The following PRDM5 variants were observed in gnomAD, a reference collection of about 807,000 sequenced individuals.
The protein encoded by PRDM5 is PR/SET domain 5.
PRDM5 carries 56 observed loss-of-function variants against 81.2 expected under a neutral mutation model. That is an observed-to-expected ratio of 0.69 (90% CI 0.56 to 0.86). The LOEUF is 0.86. Among genes scored for constraint, PRDM5 ranks in the 40% least tolerant of loss-of-function variants. The pLI is 0.00. For missense variants in PRDM5, 697 were observed against 770.1 expected, an observed-to-expected ratio of 0.91 and a Z score of 1.12; for synonymous variants, 267 against 256.4, an observed-to-expected ratio of 1.04 and a Z score of -0.39.
chr4:120,805,396 A>T (rs1484393756), intron 8 of PRDM5, among the ~76,000 whole-genome samples: 1 of 152,126 alleles, frequency 6.6e-6, no homozygotes, highest in African/African-American at 2.4e-5. Context: ...GAGACAGAAT[A>T]AAAAAAGAGA....
intron 13 of PRDM5, among the ~76,000 whole-genome samples, chr4:120,771,896 T>G (rs1248990019): frequency 6.6e-6 from 1 of 152,234 alleles, no homozygotes; most frequent in Non-Finnish European, 1.5e-5. Flanking sequence ...AAATTATACT[T>G]ATGACAATGA....
intron 15 of PRDM5, among the ~76,000 whole-genome samples, chr4:120,701,223 T>C (rs921298361): frequency 4.7e-5 from 7 of 148,842 alleles, no homozygotes; most frequent in Non-Finnish European, 9.1e-5. Flanking sequence ...TATACACTGT[T>C]GGAGGGAATG....
chr4:120,731,127 C>A (rs987620016), intron 14 of PRDM5, among the ~76,000 whole-genome samples: 1 of 152,190 alleles, frequency 6.6e-6, no homozygotes, highest in African/African-American at 2.4e-5. Context: ...GTCAGTTCAG[C>A]AAACAACCTA....
chr4:120,741,488 G>T (rs1003743239), intron 14 of PRDM5, among the ~76,000 whole-genome samples: 2 of 151,604 alleles, frequency 1.3e-5, no homozygotes, highest in African/African-American at 4.8e-5. Flanking sequence ...CAGAAGACGG[G>T]TGATTACTGC....
At chr4:120,757,037 A>C (rs1744847340) in intron 13 of PRDM5, among the ~76,000 whole-genome samples, 1 of 152,228 alleles carries the variant, frequency 6.6e-6, no homozygotes, top group Non-Finnish European at 1.5e-5. Context: ...GTTATCAGGT[A>C]AATAATTATA....
chr4:120,859,820 C>T (rs1760359666), intron 2 of PRDM5, among the ~76,000 whole-genome samples: 1 of 152,178 alleles, frequency 6.6e-6, no homozygotes, highest in Non-Finnish European at 1.5e-5. Context: ...GAATCCCTCC[C>T]TCTCTACGTT....
At chr4:120,685,453 T>C (rs1317661072) in intron 1 of PRDM5, among the ~76,000 whole-genome samples, 1 of 152,136 alleles carries the variant, frequency 6.6e-6, no homozygotes, top group Non-Finnish European at 1.5e-5. Context: ...TTCAAAAATA[T>C]TCCCAAATGA....
chr4:120,705,405 G>A (rs1735965462), intron 15 of PRDM5, among the ~76,000 whole-genome samples: 1 of 152,192 alleles, frequency 6.6e-6, no homozygotes, highest in African/African-American at 2.4e-5. Flanking sequence ...AGATAAGAGA[G>A]AAAGTAATTT....
At position 120,692,508 on chromosome 4, in the gene PRDM5, C is replaced by T. The variant is rs1734125503; in HGVS notation, c.*2603G>A. On this transcript the variant is annotated 3_prime_UTR_variant, in exon 16 of 16. Coordinates refer to ENST00000264808, the MANE Select transcript of PRDM5 (RefSeq NM_018699.4). ...ATGCCTCTATATAGCCAACAACACA[C>T]CATGAAAAGGAAAACAAAAGCCAGT... The T allele has an allele frequency of 6.6e-6, 1 of 151,970 alleles. No homozygotes were observed. The highest frequency in any genetic ancestry group is 2.4e-5 in the African/African-American group (1 of 41,402). The allele number at this position is 151,970 out of a possible 1,614,324, so 9.4% of individuals were successfully genotyped here. A position where few individuals can be genotyped will look rare whatever the true frequency, so the allele number is the denominator to read the frequency against.
At chr4:120,863,573 G>A (rs1280593154) in intron 2 of PRDM5, among the ~76,000 whole-genome samples, 1 of 151,858 alleles carries the variant, frequency 6.6e-6, no homozygotes, top group Non-Finnish European at 1.5e-5. Context: ...TTAACTTACA[G>A]AAATTAAACC....
intron 15 of PRDM5, among the ~76,000 whole-genome samples, chr4:120,707,653 T>C (rs932751116): frequency 1.1e-4 from 17 of 151,092 alleles, no homozygotes; most frequent in Admixed American, 9.2e-4. Flanking sequence ...ACCAAAAACA[T>C]GATCAAATAG....
chr4:120,845,228 C>T (rs933518309), intron 3 of PRDM5, among the ~76,000 whole-genome samples: 2 of 152,242 alleles, frequency 1.3e-5, no homozygotes, highest in Non-Finnish European at 2.9e-5. Context: ...AAACTGGCTA[C>T]ACTAAACAAC....
Position 120,853,415 on chromosome 4 carries a change from C to T in PRDM5, c.300+3G>A. On this transcript the variant is annotated splice_donor_region_variant and intron_variant, in intron 3 of 15. Transcript: ENST00000264808. ...AGTACAAATGAGAAGCAAATAAGCTCACTTGAATGGCAGCCAAGTTCTTCT... is the reference window on the plus strand; with the variant it reads ...AGTACAAATGAGAAGCAAATAAGCTTACTTGAATGGCAGCCAAGTTCTTCT... The T allele has an allele frequency of 6.2e-7, 1 of 1,613,696 alleles. No individual in the cohort carries two copies. Among genetic ancestry groups the T allele is most frequent in the South Asian group, 1.1e-5 (1 of 91,084 alleles).
At chr4:120,894,932 C>T (rs343169) in intron 2 of PRDM5, among the ~76,000 whole-genome samples, 16,031 of 152,196 alleles carry the variant, frequency 0.11, 1,638 homozygotes, top group African/African-American at 0.26. Flanking sequence ...TTTCTGCTTC[C>T]GCTCCATTCT....
At chr4:120,769,043 G>T (rs901761265) in intron 13 of PRDM5, among the ~76,000 whole-genome samples, 1 of 152,082 alleles carries the variant, frequency 6.6e-6, no homozygotes, top group Admixed American at 6.5e-5. Context: ...TGAATGTTAC[G>T]GATTTTTGTA....
chr4:120,920,395 G>A (rs1010001165), intron 1 of PRDM5, among the ~76,000 whole-genome samples: 1 of 152,208 alleles, frequency 6.6e-6, no homozygotes, highest in Non-Finnish European at 1.5e-5. Flanking sequence ...GGTTCTTAAT[G>A]TAGCTGCTGA....
intron 14 of PRDM5, among the ~76,000 whole-genome samples, chr4:120,740,325 A>T (rs1163042419): frequency 1.3e-5 from 2 of 152,190 alleles, no homozygotes; most frequent in African/African-American, 4.8e-5. Flanking sequence ...TTCATAATAA[A>T]CTATTCTTAA....
intron 2 of PRDM5, among the ~76,000 whole-genome samples, chr4:120,883,793 G>T (rs1015330074): frequency 1.2e-4 from 18 of 152,122 alleles, no homozygotes; most frequent in African/African-American, 4.3e-4. Flanking sequence ...AGATTACTTA[G>T]AGAATCATAG....
intron 3 of PRDM5, among the ~76,000 whole-genome samples, chr4:120,839,559 G>C (rs765468548): frequency 6.6e-6 from 1 of 152,132 alleles, no homozygotes; most frequent in Non-Finnish European, 1.5e-5. Context: ...TACAGGCCTC[G>C]GAGGGGAGGA....
Sources: allele counts gnomAD v4.1 joint callset (sites outside exome capture counted in the v4.1 genomes callset), GRCh38; gene constraint gnomAD v4.1.1; transcripts MANE v1.5; gene names NCBI Gene and HGNC (gene_info 2026-07-23, HGNC 2026-07-21).